The following FANCA variants were observed in gnomAD, a reference collection of about 807,000 sequenced individuals.
FANCA encodes the protein FA complementation group A, also known as Fanconi anemia group A protein.
A neutral mutation model predicts 194.3 loss-of-function variants in FANCA; 236 were observed. That is an observed-to-expected ratio of 1.21 (90% confidence interval 1.09 to 1.35). The LOEUF (loss-of-function observed/expected upper bound fraction) is 1.35. FANCA is among the 40% of genes most tolerant of loss of function. The probability of loss-of-function intolerance (pLI) is 0.00; values close to 1 mark genes in which losing one functional copy is unlikely to be tolerated. For synonymous variants in FANCA, 1,014 were observed against 715.8 expected (o/e 1.42, Z -6.65); for missense variants, 2,628 against 1,813.9 (o/e 1.45, Z -8.15).
chr16:89,796,864 T>C (rs544801151), intron 10 of FANCA, among the ~76,000 whole-genome samples: 3 of 151,732 alleles, frequency 2.0e-5, no homozygotes, highest in East Asian at 1.9e-4. Flanking sequence ...ACACTAAAAA[T>C]ACCAAAATAT....
At chr16:89,802,647 C>T (rs1298314500) in intron 8 of FANCA, among the ~76,000 whole-genome samples, 1 of 152,002 alleles carries the variant, frequency 6.6e-6, no homozygotes, top group African/African-American at 2.4e-5. Flanking sequence ...TTGTGATCCG[C>T]CCGCCTCGTC....
In FANCA at chr16:89,767,358, T is replaced by G. The variant is rs994361149; in HGVS notation, c.2505-121A>C. 6 of 760,626 alleles carry G rather than the reference T, an allele frequency of 7.9e-6. No homozygotes were observed. The African/African-American group carries it at 1.0e-4, about 13-fold the overall frequency. The allele number at this position is 760,626 out of a possible 1,614,324, so 47.1% of individuals were successfully genotyped here. On this transcript the variant is annotated intron_variant, in intron 26 of 42. Coordinates refer to ENST00000389301, the MANE Select transcript of FANCA (RefSeq NM_000135.4). ...ATTCCGAACTGGATGGCCTGAGCAT[T>G]GGTCCTTCGTTTTTTGGTTCGTTTG...
intron 1 of FANCA, chr16:89,816,285 C>T (rs1408290660): frequency 7.8e-6 from 2 of 256,992 alleles, no homozygotes; most frequent in East Asian, 1.4e-4. Flanking sequence ...GACAGGGCGG[C>T]CGGCGGGGGC....
intron 1 of FANCA, chr16:89,816,272 C>A: frequency 3.6e-6 from 1 of 277,292 alleles, no homozygotes. Flanking sequence ...CCCAGGCCCG[C>A]CTGACAGGGC....
At chr16:89,739,745 G>A (rs2062078803) in intron 39 of FANCA, 192 bp from the exon 40 acceptor site, 1 of 1,489,814 alleles carries the variant, frequency 6.7e-7, no homozygotes, top group East Asian at 2.5e-5. Flanking sequence ...TCGACCTCTT[G>A]CAGGAGGGTG....
At chr16:89,759,349 A>AAAAAAAAAAAAAAAAAAAAAAAT in intron 29 of FANCA, among the ~76,000 whole-genome samples, 1 of 139,540 alleles carries the variant, frequency 7.2e-6, no homozygotes, top group East Asian at 2.0e-4. Context: ...AAAAAAAAAA[A>AAAAAAAAAAAAAAAAAAAAAAAT]GTAGCCTGGA....
rs578174678 is a variant in FANCA at position 89,764,772 on chromosome 16, C to T, written c.2778+118G>A. Reference sequence around the variant, plus strand: ...GCACACACACACCCTAGACTCGGGACGTGGCATGATGCAGGGGAAGGAACG... The same window carrying T: ...GCACACACACACCCTAGACTCGGGATGTGGCATGATGCAGGGGAAGGAACG... On this transcript the variant is annotated intron_variant, in intron 28 of 42. Coordinates refer to ENST00000389301, the MANE Select transcript of FANCA (RefSeq NM_000135.4). 333 of 1,213,844 alleles carry T rather than the reference C, an allele frequency of 2.7e-4. 5 individuals are homozygous for T. In the South Asian group the frequency reaches 3.6e-3, roughly 13 times the overall value. The allele number at this position is 1,213,844 out of a possible 1,614,324, so 75.2% of individuals were successfully genotyped here.
intron 31 of FANCA, among the ~76,000 whole-genome samples, chr16:89,751,590 C>T (rs17233441): frequency 3.4e-4 from 52 of 151,974 alleles, no homozygotes; most frequent in Admixed American, 3.0e-3. Context: ...CCAGAGCTGG[C>T]GGAGGGAGAG....
chr16:89,740,380 C>T, intron 38 of FANCA: 1 of 507,692 alleles, frequency 2.0e-6, no homozygotes, highest in Non-Finnish European at 3.6e-6. Flanking sequence ...TGGCTCATGC[C>T]TGTAATCCCA....
intron 3 of FANCA, among the ~76,000 whole-genome samples, chr16:89,812,781 T>C (rs1324809941): frequency 6.6e-6 from 1 of 151,434 alleles, no homozygotes; most frequent in Admixed American, 6.6e-5. Context: ...ATGCCTGTAA[T>C]CCCAACACTG....
Position 89,770,392 on chromosome 16 carries a change from A to C in FANCA, c.2223-133T>G, listed in dbSNP as rs144806839. 3.8e-4 allele frequency: 398 copies of C among 1,043,530 alleles called. 2 individuals are homozygous for C. In the East Asian group the frequency reaches 9.4e-3, roughly 25 times the overall value. The allele number at this position is 1,043,530 out of a possible 1,614,324, so 64.6% of individuals were successfully genotyped here. A position where few individuals can be genotyped will look rare whatever the true frequency, so the allele number is the denominator to read the frequency against. On this transcript the variant is annotated intron_variant, in intron 24 of 42. Transcript: ENST00000389301. ...AAAACAGTGGTCTTTCTGGAAGACA[A>C]CCCATCTTCTGCAGTGCTTCCCAAC...
chr16:89,796,301 G>A (rs992367208), intron 10 of FANCA, among the ~76,000 whole-genome samples: 3 of 152,022 alleles, frequency 2.0e-5, no homozygotes, highest in Non-Finnish European at 2.9e-5. Context: ...GAGTGGAGCA[G>A]AAGGAAACAG....
chr16:89,776,959 C>A (rs1345782493), intron 20 of FANCA, among the ~76,000 whole-genome samples: 1 of 152,140 alleles, frequency 6.6e-6, no homozygotes, highest in African/African-American at 2.4e-5. Context: ...TATTTGTAAT[C>A]CCAGCACTTT....
rs1185165443 is a variant in FANCA at position 89,745,030 on chromosome 16, C to T, written c.3555G>A (p.Trp1185Ter). Reference sequence around the variant, plus strand: ...GCAGCGGGCTCTGGCAGTGTCTCCTCCACCGGCAGAGCAGCACAGGCTCCA... The same window carrying T: ...GCAGCGGGCTCTGGCAGTGTCTCCTTCACCGGCAGAGCAGCACAGGCTCCA... ...PSLEPVLLCRWRRHCQSPLPR... is the reference protein window; with the variant it reads ...PSLEPVLLCR The change falls in exon 36 of 43, where the codon TGG (tryptophan) becomes TGA (stop). Residue 1185 changes from tryptophan to a stop codon, truncating the protein, a stop_gained. Transcript: ENST00000389301. LOFTEE classifies it high-confidence loss of function. 6.2e-7 allele frequency: 1 copy of T among 1,610,236 alleles called. No individual in the cohort carries two copies. Among genetic ancestry groups the T allele is most frequent in the South Asian group, 1.1e-5 (1 of 90,992 alleles).
chr16:89,762,759 T>C (rs1452896894), intron 28 of FANCA: 1 of 453,122 alleles, frequency 2.2e-6, no homozygotes, highest in Admixed American at 2.4e-5. Flanking sequence ...GCCTCTCAGA[T>C]GGCTGGGACT....
Position 89,791,173 on chromosome 16 carries a change from G to T in FANCA, c.1359+230C>A, listed in dbSNP as rs971139162. 9 of 597,408 alleles carry T rather than the reference G, an allele frequency of 1.5e-5. No individual in the cohort carries two copies. The African/African-American group carries it at 1.7e-4, about 11-fold the overall frequency. The allele number at this position is 597,408 out of a possible 1,614,324, so 37.0% of individuals were successfully genotyped here. On this transcript the variant is annotated intron_variant, in intron 14 of 42. Coordinates refer to ENST00000389301, the MANE Select transcript of FANCA (RefSeq NM_000135.4). ...GGGGAAGGAGCTGAGGCCCCGACAGGGAGAACCCAGGCTCCTCGGAACATG... is the reference window on the plus strand; with the variant it reads ...GGGGAAGGAGCTGAGGCCCCGACAGTGAGAACCCAGGCTCCTCGGAACATG...
chr16:89,810,928 C>G lies in FANCA; in HGVS notation c.426+1G>C. The G allele has an allele frequency of 6.2e-7, 1 of 1,614,180 alleles. No individual in the cohort carries two copies. Among genetic ancestry groups the G allele is most frequent in the Non-Finnish European group, 8.5e-7 (1 of 1,180,046 alleles). ...TTTCCTCATCTTTGCTGGTGTCTTA[C>G]TCTCTGCTCCACAGTCAGCAGCACA... On this transcript the variant is annotated splice_donor_variant, in intron 4 of 42. Transcript: ENST00000389301. LOFTEE classifies it high-confidence loss of function.
intron 30 of FANCA, among the ~76,000 whole-genome samples, chr16:89,754,107 A>G (rs2038689503): frequency 6.6e-6 from 1 of 152,038 alleles, no homozygotes; most frequent in African/African-American, 2.4e-5. Context: ...CTGTAATCCC[A>G]GCTACTCGGG....
chr16:89,744,673 TTTTG>T (rs1408944083), intron 36 of FANCA: 1 of 435,040 alleles, frequency 2.3e-6, no homozygotes, highest in Non-Finnish European at 4.3e-6. Context: ...CTGTTTTTTT[TTTTG>T]TTTTTTTTCT....
Sources: allele counts gnomAD v4.1 joint callset (sites outside exome capture counted in the v4.1 genomes callset), GRCh38; gene constraint gnomAD v4.1.1; transcripts MANE v1.5; gene names NCBI Gene and HGNC (gene_info 2026-07-23, HGNC 2026-07-21).